Variants in PPP1R13B observed in about 807,000 individuals in gnomAD.
PPP1R13B encodes the protein protein phosphatase 1 regulatory subunit 13B, also known as apoptosis-stimulating of p53 protein 1.
In PPP1R13B, 44 loss-of-function variants were observed where a neutral mutation model predicts 119.8. The ratio of observed to expected loss-of-function variants is 0.37; its 90% confidence interval spans 0.29 to 0.47. The LOEUF is 0.47. PPP1R13B is among the 20% of genes least tolerant of loss of function. The pLI is 0.99. For synonymous variants in PPP1R13B, 542 were observed against 561.5 expected (o/e 0.97, Z 0.49); for missense variants, 1,227 against 1,413.5 (o/e 0.87, Z 2.12).
At chr14:103,780,844 A>G (rs899383264) in intron 3 of PPP1R13B, among the ~76,000 whole-genome samples, 28 of 151,990 alleles carry the variant, frequency 1.8e-4, no homozygotes, top group Non-Finnish European at 3.5e-4. Flanking sequence ...GAAAAAAAGA[A>G]TATTAGTAAG....
chr14:103,842,010 G>A (rs149862041), intron 1 of PPP1R13B, among the ~76,000 whole-genome samples: 111 of 152,190 alleles, frequency 7.3e-4, no homozygotes, highest in African/African-American at 2.6e-3. Flanking sequence ...TCCAGTTCAG[G>A]GTTTTGTTGT....
chr14:103,734,529 A>G lies in PPP1R13B; in HGVS notation c.*625T>C, dbSNP rs1158044710. 2.2e-6 allele frequency: 1 copy of G among 456,190 alleles called. No homozygotes were observed. Among genetic ancestry groups the G allele is most frequent in the East Asian group, 6.9e-5 (1 of 14,394 alleles). The allele number at this position is 456,190 out of a possible 1,614,324, so 28.3% of individuals were successfully genotyped here. ...GCCCGTGGCGCGGCAGTCCAGCCAC[A>G]GTGCTGGGCCTGCACAATCAGCCTT... On this transcript the variant is annotated 3_prime_UTR_variant, in exon 17 of 17. Transcript: ENST00000202556.
chr14:103,811,432 A>G (rs976339259), intron 1 of PPP1R13B, among the ~76,000 whole-genome samples: 8 of 152,278 alleles, frequency 5.3e-5, no homozygotes, highest in African/African-American at 1.9e-4. Context: ...GGATGTCTGT[A>G]ATCCCAGCAT....
rs571226058 is a variant in PPP1R13B, at chr14:103,835,550, C to T, written c.9+11749G>A. 9.2e-5 allele frequency among the ~76,000 whole-genome samples: 14 copies of T among 152,088 alleles called. No homozygotes were observed. In the South Asian group the frequency reaches 1.9e-3, roughly 20 times the overall value. On this transcript the variant is annotated intron_variant, in intron 1 of 16. Coordinates refer to ENST00000202556, the MANE Select transcript of PPP1R13B (RefSeq NM_015316.3). The stretch of plus-strand genomic sequence containing the variant: ...GTTCAAGCGATCCTAGTGCCTTAGC[C>T]TCCTGAGTTGCTGGGTCTACAAAGG...
At chr14:103,757,573 T>C (rs1317658349) in intron 5 of PPP1R13B, 77 bp downstream of exon 5, 2 of 1,335,938 alleles carry the variant, frequency 1.5e-6, no homozygotes, top group African/African-American at 1.4e-5. Context: ...CCCAAGAATA[T>C]ATTAACCCCA....
At chr14:103,757,407 G>T (rs139403404) in intron 5 of PPP1R13B, among the ~76,000 whole-genome samples, 2 of 152,098 alleles carry the variant, frequency 1.3e-5, no homozygotes, top group African/African-American at 4.8e-5. Flanking sequence ...CCTGTTTGGG[G>T]TGTCTATTGT....
At chr14:103,761,275 A>T (rs1269458593) in intron 4 of PPP1R13B, among the ~76,000 whole-genome samples, 208 of 39,144 alleles carry the variant, frequency 5.3e-3, no homozygotes, top group African/African-American at 0.032. Flanking sequence ...CCCTATATTT[A>T]AAAAAAAAAA....
intron 1 of PPP1R13B, among the ~76,000 whole-genome samples, chr14:103,810,377 CAG>C (rs534003580): frequency 6.6e-6 from 1 of 151,914 alleles, no homozygotes; most frequent in Non-Finnish European, 1.5e-5. Flanking sequence ...AGCCAAGTGA[CAG>C]AGTGAGACTT....
chr14:103,785,193 T>G (rs1189270246), intron 2 of PPP1R13B, among the ~76,000 whole-genome samples: 2 of 151,836 alleles, frequency 1.3e-5, no homozygotes, highest in Non-Finnish European at 2.9e-5. Flanking sequence ...CAAAACTTAT[T>G]TATCACAAAG....
chr14:103,837,025 G>A (rs2086794128), intron 1 of PPP1R13B, among the ~76,000 whole-genome samples: 1 of 152,196 alleles, frequency 6.6e-6, no homozygotes, highest in Admixed American at 6.5e-5. Context: ...ATGCAACTGA[G>A]TAAAAAGCAG....
At chr14:103,746,600 G>T in intron 8 of PPP1R13B, 47 bp from the exon 9 acceptor site, 6 of 1,489,484 alleles carry the variant, frequency 4.0e-6, no homozygotes, top group Non-Finnish European at 4.6e-6. Context: ...TACATTCAAA[G>T]AAGTCCTAAG....
At chr14:103,757,860 G>C in intron 4 of PPP1R13B, 109 bp from the exon 5 acceptor site, 2 of 780,526 alleles carry the variant, frequency 2.6e-6, no homozygotes, top group South Asian at 1.8e-5. Flanking sequence ...CTAGTAGTGA[G>C]GAGAGTACCA....
At chr14:103,777,055 C>T (rs1374038874) in intron 4 of PPP1R13B, among the ~76,000 whole-genome samples, 8 of 151,744 alleles carry the variant, frequency 5.3e-5, no homozygotes, top group Non-Finnish European at 1.0e-4. Flanking sequence ...TGCAGTGGCA[C>T]GATCTCGGCT....
rs1043636881 is a variant in PPP1R13B, at chr14:103,743,245, T to C, written c.1151-422A>G. ...TACATAGAGCAATAAAAAAGATTTA[T>C]CTTTTGACTTCATAATAGGTTTGAC... On this transcript the variant is annotated intron_variant, in intron 9 of 16. Transcript: ENST00000202556. 2.0e-5 allele frequency among the ~76,000 whole-genome samples: 3 copies of C among 152,286 alleles called. No homozygotes were observed. In the East Asian group the frequency reaches 5.8e-4, roughly 29 times the overall value.
chr14:103,847,162 G>T, intron 1 of PPP1R13B, 137 bp downstream of exon 1: 1 of 990,440 alleles, frequency 1.0e-6, no homozygotes, highest in African/African-American at 1.8e-5. Flanking sequence ...GCGGCCGGGC[G>T]CGCCCGCCCA....
chr14:103,839,967 A>G (rs2086865989), intron 1 of PPP1R13B: 1 of 152,234 alleles, frequency 6.6e-6, no homozygotes, highest in Non-Finnish European at 1.5e-5. Flanking sequence ...AATATTTCAA[A>G]TGTCATAAAT....
chr14:103,756,200 T>A (rs943513799), intron 5 of PPP1R13B, among the ~76,000 whole-genome samples: 1 of 152,086 alleles, frequency 6.6e-6, no homozygotes, highest in Non-Finnish European at 1.5e-5. Context: ...TTCAAGAGAT[T>A]CTCCTGCTCA....
chr14:103,735,560 A>G (rs56059669), intron 16 of PPP1R13B, among the ~76,000 whole-genome samples: 1,666 of 152,274 alleles, frequency 0.011, 27 homozygotes, highest in African/African-American at 0.038. Flanking sequence ...GCAGGGCACA[A>G]AGAGAGCAGA....
At chr14:103,749,483 C>T (rs936107985) in intron 8 of PPP1R13B, among the ~76,000 whole-genome samples, 1 of 152,082 alleles carries the variant, frequency 6.6e-6, no homozygotes, top group African/African-American at 2.4e-5. Context: ...GAGTGCGGAC[C>T]GTGACAGATG....
Sources: allele counts gnomAD v4.1 joint callset (sites outside exome capture counted in the v4.1 genomes callset), GRCh38; gene constraint gnomAD v4.1.1; transcripts MANE v1.5; gene names NCBI Gene and HGNC (gene_info 2026-07-23, HGNC 2026-07-21).